The following ATP6V0D1 variants were observed in gnomAD, a reference collection of about 807,000 sequenced individuals.
ATP6V0D1 encodes V-type proton ATPase subunit d 1.
A neutral mutation model predicts 39.0 loss-of-function variants in ATP6V0D1; 13 were observed. The ratio of observed to expected loss-of-function variants is 0.33; its 90% CI spans 0.22 to 0.53. ATP6V0D1 has a LOEUF of 0.53. ATP6V0D1 is among the 20% of genes least tolerant of loss of function. ATP6V0D1 has a pLI of 0.94. For synonymous variants in ATP6V0D1, 191 were observed against 191.2 expected (o/e 1.00, Z 0.01); for missense variants, 272 against 470.9 (o/e 0.58, Z 3.91).
Position 67,438,451 on chromosome 16 carries a change from ACACACACACGCACACACACG to A in ATP6V0D1, c.*57_*76del. On this transcript the variant is annotated 3_prime_UTR_variant, in exon 8 of 8. Transcript: ENST00000290949. ...GCCACAGGCTTGTCACAGACCACAT[ACACACACACGCACACACACG>A]CGCACACACACACACACACACACAA... 1 of 1,508,694 alleles carries A rather than the reference ACACACACACGCACACACACG, an allele frequency of 6.6e-7. No homozygotes were observed. The highest frequency in any genetic ancestry group is 9.0e-7 in the Non-Finnish European group (1 of 1,114,874). 93.5% of individuals were successfully genotyped at this position (1,508,694 alleles called of 1,614,324 possible).
At chr16:67,465,864 C>T (rs1291166353) in intron 1 of ATP6V0D1, among the ~76,000 whole-genome samples, 1 of 152,146 alleles carries the variant, frequency 6.6e-6, no homozygotes, top group Non-Finnish European at 1.5e-5. Context: ...AGCAGAGACC[C>T]AAGGGACAGT....
Position 67,438,461 on chromosome 16 carries a change from GCACACACACGCGCA to G in ATP6V0D1, c.*53_*66del. 6.5e-7 allele frequency: 1 copy of G among 1,536,482 alleles called. No individual in the cohort carries two copies. The highest frequency in any genetic ancestry group is 1.4e-5 in the African/African-American group (1 of 72,802). ...TGTCACAGACCACATACACACACACGCACACACACGCGCACACACACACACACACACACAAAGAG... is the reference window on the plus strand; with the variant it reads ...TGTCACAGACCACATACACACACACGCACACACACACACACACACAAAGAG... On this transcript the variant is annotated 3_prime_UTR_variant, in exon 8 of 8. Transcript: ENST00000290949.
chr16:67,460,295 C>T (rs1442296236), intron 1 of ATP6V0D1, among the ~76,000 whole-genome samples: 1 of 152,118 alleles, frequency 6.6e-6, no homozygotes, highest in African/African-American at 2.4e-5. Flanking sequence ...GACAGATGGC[C>T]AGGCTGGTGG....
At chr16:67,440,642 A>C (rs1016317127) in intron 4 of ATP6V0D1, 1 of 152,230 alleles carries the variant, frequency 6.6e-6, no homozygotes, top group Non-Finnish European at 1.5e-5. Flanking sequence ...CCATCAGCCA[A>C]CTTGGGCTCA....
chr16:67,441,681 C>T (rs1163656749), intron 4 of ATP6V0D1: 1 of 152,274 alleles, frequency 6.6e-6, no homozygotes, highest in Non-Finnish European at 1.5e-5. Flanking sequence ...CAGGTGTGAT[C>T]CCTGGCGCTG....
chr16:67,479,772 C>T (rs1172853063), intron 1 of ATP6V0D1, among the ~76,000 whole-genome samples: 7 of 152,140 alleles, frequency 4.6e-5, no homozygotes, highest in Admixed American at 2.0e-4. Flanking sequence ...CTCAAGAGTA[C>T]CACTTGAGGA....
At chr16:67,443,069 C>T (rs760733753) in intron 4 of ATP6V0D1, 30 bp downstream of exon 4, 4 of 1,610,326 alleles carry the variant, frequency 2.5e-6, no homozygotes, top group Middle Eastern at 1.9e-4. Context: ...ACCGACAGGC[C>T]AATCCCCCAT....
At position 67,460,905 on chromosome 16, in the gene ATP6V0D1, G is replaced by C. The variant is rs2041284204; in HGVS notation, c.131-7190C>G. ...AGAATCTGGGCTTCAGAGCCACAAG[G>C]ACCTGGGTTCAAATCCTGTCTACAA... On this transcript the variant is annotated intron_variant, in intron 1 of 7. Coordinates refer to ENST00000290949, the MANE Select transcript of ATP6V0D1 (RefSeq NM_004691.5). 3.3e-5 allele frequency among the ~76,000 whole-genome samples: 5 copies of C among 152,200 alleles called. No individual in the cohort carries two copies. The South Asian group carries it at 1.0e-3, about 32-fold the overall frequency.
At chr16:67,452,700 C>T (rs1285413482) in intron 2 of ATP6V0D1, among the ~76,000 whole-genome samples, 1 of 152,222 alleles carries the variant, frequency 6.6e-6, no homozygotes, top group Admixed American at 6.5e-5. Context: ...GGGACTATTT[C>T]TTTGTCCACC....
intron 1 of ATP6V0D1, among the ~76,000 whole-genome samples, chr16:67,461,984 A>G (rs895104537): frequency 2.0e-5 from 3 of 152,126 alleles, no homozygotes; most frequent in African/African-American, 7.2e-5. Context: ...CATTTCTCAC[A>G]TCCTAGGAGG....
intron 2 of ATP6V0D1, chr16:67,452,202 CCA>C: frequency 6.5e-7 from 1 of 1,531,472 alleles, no homozygotes; most frequent in East Asian, 2.4e-5. Flanking sequence ...CACCCCATTA[CCA>C]GCCTCCTGCC....
At chr16:67,450,382 G>A (rs2041164827) in intron 2 of ATP6V0D1, among the ~76,000 whole-genome samples, 1 of 152,216 alleles carries the variant, frequency 6.6e-6, no homozygotes, top group Non-Finnish European at 1.5e-5. Context: ...GCCCCAGCCT[G>A]GGGGAGCTCA....
At chr16:67,462,772 G>A (rs1411140038) in intron 1 of ATP6V0D1, among the ~76,000 whole-genome samples, 1 of 151,230 alleles carries the variant, frequency 6.6e-6, no homozygotes, top group Non-Finnish European at 1.5e-5. Flanking sequence ...AGACTGCAGT[G>A]AGCCAAGATC....
chr16:67,465,163 C>T (rs1039182241), intron 1 of ATP6V0D1, among the ~76,000 whole-genome samples: 4 of 152,190 alleles, frequency 2.6e-5, no homozygotes, highest in Non-Finnish European at 5.9e-5. Flanking sequence ...ATGAGGCAGA[C>T]GCCAAGGAGC....
In ATP6V0D1 at chr16:67,447,222, C is replaced by T. The variant is rs1335448368; in HGVS notation, c.303-2516G>A. 2.6e-5 allele frequency among the ~76,000 whole-genome samples: 4 copies of T among 152,244 alleles called. No homozygotes were observed. Among genetic ancestry groups the T allele is most frequent in the Admixed American group, 6.5e-5 (1 of 15,288 alleles). ...AAACCCAAGCCAGGCCAATCGTGGG[C>T]GATCCTGTGCCAGGCCCAGCACTTC... On this transcript the variant is annotated intron_variant, in intron 2 of 7. Transcript: ENST00000290949. The surrounding 1 kb of genome is among the most constrained non-coding windows in gnomAD (Gnocchi z 4.1).
At chr16:67,451,060 G>A (rs988042862) in intron 2 of ATP6V0D1, among the ~76,000 whole-genome samples, 2 of 152,226 alleles carry the variant, frequency 1.3e-5, no homozygotes, top group African/African-American at 2.4e-5. Flanking sequence ...TCTGCAGGGT[G>A]CTGAGTAGGT....
At position 67,439,188 on chromosome 16, in the gene ATP6V0D1, A is replaced by G. The variant is rs757718514; in HGVS notation, c.640-41T>C. On this transcript the variant is annotated intron_variant, in intron 5 of 7. Transcript: ENST00000290949. ...ACAGGTAAGAAGAGAGGGAGGAAGA[A>G]GGAGGCAGTAGCCAGTCAGTTGGCA... The G allele has an allele frequency of 5.6e-6, 9 of 1,613,422 alleles. No individual in the cohort carries two copies. In the African/African-American group the frequency reaches 1.2e-4, roughly 22 times the overall value.
chr16:67,477,025 T>TAAAAAA (rs199765066), intron 1 of ATP6V0D1, among the ~76,000 whole-genome samples: 3 of 40,190 alleles, frequency 7.5e-5, no homozygotes, highest in African/African-American at 7.2e-5. Flanking sequence ...TGTCTCAAAT[T>TAAAAAA]AAAAAAAAAA....
chr16:67,452,206 C>G, intron 2 of ATP6V0D1: 5 of 1,532,028 alleles, frequency 3.3e-6, no homozygotes, highest in Non-Finnish European at 4.4e-6. Context: ...CCATTACCAG[C>G]CTCCTGCCCC....
Sources: gnomAD v4.1 joint callset for allele counts (sites outside exome capture counted in the v4.1 genomes callset) on GRCh38, gnomAD v4.1.1 for gene constraint, Gnocchi (gnomAD v3.1) non-coding constraint, MANE v1.5 for transcripts, NCBI Gene and HGNC (gene_info 2026-07-23, HGNC 2026-07-21) for gene names.